The following TRABD2B variants were observed in gnomAD, a reference collection of about 807,000 sequenced individuals.
TRABD2B encodes metalloprotease TIKI2.
A neutral mutation model predicts 40.1 loss-of-function variants in TRABD2B; 14 were observed. That is an observed-to-expected ratio of 0.35 (90% CI 0.23 to 0.55). The LOEUF is 0.55. Ranked by LOEUF, TRABD2B falls within the 20% of genes least tolerant of loss-of-function variation. TRABD2B has a pLI of 0.90. For missense variants in TRABD2B, 541 were observed against 648.6 expected (o/e 0.83, Z 1.80); for synonymous variants, 263 against 277.0 (o/e 0.95, Z 0.50).
chr1:47,896,158 A>T (rs575199979), intron 2 of TRABD2B, among the ~76,000 whole-genome samples: 1 of 152,274 alleles, frequency 6.6e-6, no homozygotes, highest in Admixed American at 6.5e-5. Flanking sequence ...ACTGCCCTCC[A>T]TATATTAAAA....
At chr1:47,876,974 T>C (rs1189337129) in intron 2 of TRABD2B, among the ~76,000 whole-genome samples, 2 of 152,184 alleles carry the variant, frequency 1.3e-5, no homozygotes, top group African/African-American at 4.8e-5. Flanking sequence ...AAGTCATGCA[T>C]GGCCCCTTTC....
chr1:47,825,048 G>A (rs1553155294), intron 2 of TRABD2B, among the ~76,000 whole-genome samples: 4 of 152,228 alleles, frequency 2.6e-5, no homozygotes, highest in Non-Finnish European at 5.9e-5. Context: ...GGCTCAGAGA[G>A]AGGGGTGACT....
intron 2 of TRABD2B, among the ~76,000 whole-genome samples, chr1:47,867,035 T>C (rs1181609602): frequency 1.3e-5 from 2 of 152,170 alleles, no homozygotes; most frequent in African/African-American, 4.8e-5. Flanking sequence ...CACCCGCCTG[T>C]CTCCTGCAAG....
At chr1:47,767,422 C>T (rs1272057892) in intron 6 of TRABD2B, among the ~76,000 whole-genome samples, 2 of 152,126 alleles carry the variant, frequency 1.3e-5, no homozygotes, top group African/African-American at 4.8e-5. Context: ...GAGGGCACTC[C>T]TGGACGGTGA....
chr1:47,865,197 T>C (rs2124569076), intron 2 of TRABD2B, among the ~76,000 whole-genome samples: 1 of 152,316 alleles, frequency 6.6e-6, no homozygotes, highest in Non-Finnish European at 1.5e-5. Context: ...TGCCCATTTC[T>C]GCCTTCAGCA....
intron 2 of TRABD2B, among the ~76,000 whole-genome samples, chr1:47,814,499 G>T (rs1026141662): frequency 2.0e-5 from 3 of 152,180 alleles, no homozygotes; most frequent in Non-Finnish European, 2.9e-5. Context: ...GAGGAAGGGA[G>T]GGGCAGATTA....
chr1:47,820,463 C>T (rs998598887), intron 2 of TRABD2B, among the ~76,000 whole-genome samples: 4 of 152,154 alleles, frequency 2.6e-5, no homozygotes, highest in East Asian at 1.9e-4. Flanking sequence ...TTAGACAGAC[C>T]GTGGGATATG....
At chr1:47,854,145 A>G (rs1472108739) in intron 2 of TRABD2B, among the ~76,000 whole-genome samples, 1 of 152,164 alleles carries the variant, frequency 6.6e-6, no homozygotes, top group Non-Finnish European at 1.5e-5. Flanking sequence ...AGGCCACTTC[A>G]ATTTCTGAAC....
chr1:47,845,291 C>A (rs1292638847), intron 2 of TRABD2B, among the ~76,000 whole-genome samples: 2 of 152,188 alleles, frequency 1.3e-5, no homozygotes, highest in Non-Finnish European at 2.9e-5. Context: ...TCTAACCCTA[C>A]CCTGACATAT....
intron 2 of TRABD2B, among the ~76,000 whole-genome samples, chr1:47,970,215 CT>C (rs1414050701): frequency 6.6e-6 from 1 of 151,864 alleles, no homozygotes; most frequent in African/African-American, 2.4e-5. Flanking sequence ...TATGGAGTAC[CT>C]ACTAGATAAG....
At position 47,763,623 on chromosome 1, in the gene TRABD2B, C is replaced by T. The variant is rs1166081322; in HGVS notation, c.*2279G>A. The T allele has an allele frequency of 6.6e-6, 1 of 152,234 alleles. No individual in the cohort carries two copies. Among genetic ancestry groups the T allele is most frequent in the African/African-American group, 2.4e-5 (1 of 41,456 alleles). The allele number at this position is 152,234 out of a possible 1,614,324, so 9.4% of individuals were successfully genotyped here. On this transcript the variant is annotated 3_prime_UTR_variant, in exon 7 of 7. Coordinates refer to ENST00000606738, the MANE Select transcript of TRABD2B (RefSeq NM_001194986.2). ...GCTGCATTAATTTACCTTCTTGGCT[C>T]AGTGCCTGGCACAGATCTGGGCACA...
chr1:47,794,680 C>T lies in TRABD2B; in HGVS notation c.894G>A (p.Glu298=), dbSNP rs1352217631. 4 of 1,536,504 alleles carry T rather than the reference C, an allele frequency of 2.6e-6. No homozygotes were observed. Among genetic ancestry groups the T allele is most frequent in the Admixed American group, 2.0e-5 (1 of 50,978 alleles). Residue 298 remains glutamate, a synonymous_variant, in exon 4 of 7, where the codon GAG becomes GAA. Coordinates refer to ENST00000606738, the MANE Select transcript of TRABD2B (RefSeq NM_001194986.2). ...TGCGCTCATTCCTCTTGTAGATGAG[C>T]TCCTGGCGGAAGTAGCTGTCAATCT... ...AQEIDSYFRQ[E]LIYKRNERMG... is the part of the protein sequence containing the mutation.
At chr1:47,936,931 T>TCAC (rs1441993045) in intron 2 of TRABD2B, among the ~76,000 whole-genome samples, 2 of 137,540 alleles carry the variant, frequency 1.5e-5, no homozygotes, top group African/African-American at 2.7e-5. Flanking sequence ...ACCACCATAA[T>TCAC]TATCACCATC....
At chr1:47,959,799 A>T (rs1193279425) in intron 2 of TRABD2B, among the ~76,000 whole-genome samples, 1 of 152,212 alleles carries the variant, frequency 6.6e-6, no homozygotes, top group African/African-American at 2.4e-5. Flanking sequence ...AGGAGCTGGT[A>T]CCATTCCTTC....
chr1:47,861,761 C>T (rs1424678663), intron 2 of TRABD2B, among the ~76,000 whole-genome samples: 1 of 152,180 alleles, frequency 6.6e-6, no homozygotes, highest in Non-Finnish European at 1.5e-5. Context: ...CTAACTCATT[C>T]TGTGAGGCCT....
intron 2 of TRABD2B, among the ~76,000 whole-genome samples, chr1:47,906,806 A>C (rs1644684720): frequency 6.6e-6 from 1 of 152,236 alleles, no homozygotes; most frequent in Admixed American, 6.5e-5. Flanking sequence ...ACAGCTTAAT[A>C]ATGCAGCAAA....
At chr1:47,821,352 T>G (rs905537176) in intron 2 of TRABD2B, among the ~76,000 whole-genome samples, 6 of 152,216 alleles carry the variant, frequency 3.9e-5, no homozygotes, top group Non-Finnish European at 5.9e-5. Context: ...CCTCTGAGTG[T>G]TCCATGTTCT....
At chr1:47,867,015 A>G (rs1644068636) in intron 2 of TRABD2B, among the ~76,000 whole-genome samples, 1 of 151,972 alleles carries the variant, frequency 6.6e-6, no homozygotes, top group African/African-American at 2.4e-5. Context: ...AGCTATACAA[A>G]CTTCACAGCC....
chr1:47,786,071 G>C (rs1185704376), intron 4 of TRABD2B, among the ~76,000 whole-genome samples: 2 of 152,216 alleles, frequency 1.3e-5, no homozygotes, highest in African/African-American at 4.8e-5. Context: ...GGCAACACAA[G>C]AGCTCACATT....
Sources: allele counts gnomAD v4.1 joint callset (sites outside exome capture counted in the v4.1 genomes callset), GRCh38; gene constraint gnomAD v4.1.1; transcripts MANE v1.5; gene names NCBI Gene and HGNC (gene_info 2026-07-23, HGNC 2026-07-21).